Variants in DIP2C observed in about 807,000 individuals in gnomAD.
DIP2C encodes the protein DIP2 acetate--CoA ligase C (putative).
In DIP2C, 33 loss-of-function variants were observed where a neutral mutation model predicts 192.4. The observed-to-expected ratio is 0.17, with a 90% CI of 0.13 to 0.23. The LOEUF (loss-of-function observed/expected upper bound fraction) is 0.23, where lower values mean the gene tolerates loss of function less well. Among genes scored for constraint, DIP2C ranks in the 10% least tolerant of loss-of-function variants. The pLI is 1.00. For synonymous variants in DIP2C, 979 were observed against 864.1 expected (o/e 1.13, Z -2.33); for missense variants, 1,537 against 2,110.1 (o/e 0.73, Z 5.32).
chr10:534,797 C>T (rs1183886739), intron 1 of DIP2C, among the ~76,000 whole-genome samples: 7 of 151,838 alleles, frequency 4.6e-5, no homozygotes, highest in Admixed American at 2.0e-4. Context: ...CTGCCTCAGC[C>T]TCCCGAGTAG....
chr10:618,926 T>TA (rs1853653971), intron 1 of DIP2C, among the ~76,000 whole-genome samples: 1 of 152,236 alleles, frequency 6.6e-6, no homozygotes, highest in Admixed American at 6.5e-5. Context: ...AGGACAGGTC[T>TA]GTGTAGAAAA....
intron 3 of DIP2C, among the ~76,000 whole-genome samples, chr10:451,902 A>G (rs759240248): frequency 6.6e-6 from 1 of 151,512 alleles, no homozygotes; most frequent in Non-Finnish European, 1.5e-5. Flanking sequence ...TGTTTGCACC[A>G]TACACAAGTC....
intron 1 of DIP2C, among the ~76,000 whole-genome samples, chr10:648,671 T>G (rs868302290): frequency 0.21 from 11,199 of 52,120 alleles, 1 homozygote; most frequent in Middle Eastern, 0.33. Flanking sequence ...GGAGAGAACA[T>G]AGGGAAACTG....
At chr10:374,181 AAATAT>A (rs1961309179) in intron 17 of DIP2C, among the ~76,000 whole-genome samples, 2 of 152,218 alleles carry the variant, frequency 1.3e-5, no homozygotes, top group Non-Finnish European at 2.9e-5. Flanking sequence ...TTAGTAATAC[AAATAT>A]AAGATCATAT....
intron 1 of DIP2C, among the ~76,000 whole-genome samples, chr10:626,503 C>A (rs1300206466): frequency 1.4e-5 from 2 of 141,312 alleles, no homozygotes; most frequent in Non-Finnish European, 3.0e-5. Flanking sequence ...CCATCCCATC[C>A]CTGGTGTTGG....
intron 3 of DIP2C, among the ~76,000 whole-genome samples, chr10:451,770 T>C (rs934187218): frequency 3.3e-5 from 5 of 152,158 alleles, no homozygotes; most frequent in Non-Finnish European, 7.4e-5. Context: ...AATGAGGCCA[T>C]AGAGCACACA....
chr10:582,224 C>T (rs926543314), intron 1 of DIP2C, among the ~76,000 whole-genome samples: 2 of 152,182 alleles, frequency 1.3e-5, no homozygotes, highest in African/African-American at 4.8e-5. Flanking sequence ...TAAGCCCTAC[C>T]GGCCAGCACC....
chr10:538,356 G>A (rs1053595793), intron 1 of DIP2C, among the ~76,000 whole-genome samples: 1 of 150,802 alleles, frequency 6.6e-6, no homozygotes, highest in African/African-American at 2.4e-5. Context: ...CTTGCTATCT[G>A]GTTGCCTAGC....
At chr10:375,376 G>C (rs564867971) in intron 17 of DIP2C, among the ~76,000 whole-genome samples, 1 of 152,312 alleles carries the variant, frequency 6.6e-6, no homozygotes, top group South Asian at 2.1e-4. Context: ...GAGCTGAGTA[G>C]ATGCTGGAGC....
chr10:553,237 C>T (rs923782486), intron 1 of DIP2C, among the ~76,000 whole-genome samples: 1 of 152,198 alleles, frequency 6.6e-6, no homozygotes, highest in African/African-American at 2.4e-5. Context: ...GCTGTGCAAG[C>T]CCAGCAGTGC....
rs1954807631 is a variant in DIP2C, at chr10:281,326, G to A, written c.4295-3C>T. On this transcript the variant is annotated splice_polypyrimidine_tract_variant and splice_region_variant and intron_variant, in intron 35 of 36. Coordinates refer to ENST00000280886, the MANE Select transcript of DIP2C (RefSeq NM_014974.3). ...CACGTAGAGGGCATCATGGCGCTCTGTGGAGTAATGACAGCCTGCGTAAGC... is the reference window on the plus strand; with the variant it reads ...CACGTAGAGGGCATCATGGCGCTCTATGGAGTAATGACAGCCTGCGTAAGC... 6.2e-7 allele frequency: 1 copy of A among 1,606,316 alleles called. No homozygotes were observed. Among genetic ancestry groups the A allele is most frequent in the South Asian group, 1.1e-5 (1 of 90,694 alleles).
At chr10:463,024 A>G (rs1000792718) in intron 3 of DIP2C, among the ~76,000 whole-genome samples, 5 of 152,218 alleles carry the variant, frequency 3.3e-5, no homozygotes, top group Admixed American at 2.6e-4. Context: ...TCTCAAAATA[A>G]TAAGAGCTAT....
At position 390,333 on chromosome 10, in the gene DIP2C, A is replaced by G; in HGVS notation, c.1425T>C (p.His475=). The part of the protein sequence containing the change: ...KLLWFVTESK[H]LSKPPRDWFP... ...ACCAGTCTCGGGGCGGTTTGGAGAG[A>G]TGTTTAGACTCTGTGACAAACCACA... is the stretch of plus-strand genomic sequence containing the variant. The change falls in exon 12 of 37, where the codon CAT becomes CAC. Residue 475 remains histidine, a synonymous_variant. Transcript: ENST00000280886. 3 of 1,613,948 alleles carry G rather than the reference A, an allele frequency of 1.9e-6. No individual in the cohort carries two copies. In the South Asian group the frequency reaches 3.3e-5, roughly 18 times the overall value.
intron 29 of DIP2C, among the ~76,000 whole-genome samples, chr10:335,924 G>A (rs1957745633): frequency 1.3e-5 from 2 of 151,946 alleles, no homozygotes; most frequent in African/African-American, 2.4e-5. Context: ...CTTGAGACAG[G>A]GTCTCGCTCT....
At chr10:419,307 T>C in intron 5 of DIP2C, 108 bp from the exon 6 acceptor site, 7 of 1,520,540 alleles carry the variant, frequency 4.6e-6, no homozygotes, top group Non-Finnish European at 2.7e-6. Flanking sequence ...TCACCCTGGG[T>C]GTGCCATGGA....
At chr10:625,273 C>T (rs1854125929) in intron 1 of DIP2C, among the ~76,000 whole-genome samples, 1 of 152,164 alleles carries the variant, frequency 6.6e-6, no homozygotes, top group Non-Finnish European at 1.5e-5. Flanking sequence ...GTCAGGGCAA[C>T]GTGAAGTCCC....
chr10:627,805 GACTTC>G (rs1465458717), intron 1 of DIP2C, among the ~76,000 whole-genome samples: 2 of 152,190 alleles, frequency 1.3e-5, no homozygotes, highest in Admixed American at 1.3e-4. Context: ...ACGCTTACAG[GACTTC>G]ACGAGAGGCA....
At chr10:648,753 C>T (rs984555081) in intron 1 of DIP2C, among the ~76,000 whole-genome samples, 18 of 106,038 alleles carry the variant, frequency 1.7e-4, no homozygotes, top group South Asian at 6.8e-4. Flanking sequence ...GGACAGTGGG[C>T]GAGAACAGAG....
At chr10:548,451 G>GGAGGGAGA (rs1848414693) in intron 1 of DIP2C, among the ~76,000 whole-genome samples, 1 of 149,400 alleles carries the variant, frequency 6.7e-6, no homozygotes, top group African/African-American at 2.5e-5. Context: ...ATGGAGGGAG[G>GGAGGGAGA]GAGGGAGGGA....
Sources: allele counts gnomAD v4.1 joint callset (sites outside exome capture counted in the v4.1 genomes callset), GRCh38; gene constraint gnomAD v4.1.1; transcripts MANE v1.5; gene names NCBI Gene and HGNC (gene_info 2026-07-23, HGNC 2026-07-21).